The following VPS35L variants were observed in gnomAD, a reference collection of about 807,000 sequenced individuals.
The protein encoded by VPS35L is VPS35 endosomal protein sorting factor like.
Under a neutral mutation model 133.0 loss-of-function variants are expected in VPS35L, and 83 were observed. The ratio of observed to expected loss-of-function variants is 0.62; its 90% CI spans 0.52 to 0.75. The LOEUF (loss-of-function observed/expected upper bound fraction) is 0.75, where lower values mean the gene tolerates loss of function less well. VPS35L is among the 30% of genes least tolerant of loss of function. The pLI is 0.00. For missense variants in VPS35L, 1,083 were observed against 1,206.8 expected, an observed-to-expected ratio of 0.90 and a Z score of 1.52; for synonymous variants, 423 against 449.9, an observed-to-expected ratio of 0.94 and a Z score of 0.76.
Position 19,652,312 on chromosome 16 carries a change from C to T in VPS35L, c.2221+222C>T, listed in dbSNP as rs950983657. The T allele has an allele frequency of 6.3e-6, 3 of 475,058 alleles. No homozygotes were observed. The South Asian group carries it at 7.7e-5, about 12-fold the overall frequency. 29.4% of individuals were successfully genotyped at this position (475,058 alleles called of 1,614,324 possible). On this transcript the variant is annotated intron_variant, in intron 26 of 30. Coordinates refer to ENST00000417362, the MANE Select transcript of VPS35L (RefSeq NM_020314.7). ...CTGAGTAGCTGGGACTGCAGGCGCA[C>T]ACCACCACACACAGCTAATGTTTTT...
At chr16:19,682,482 C>T in intron 28 of VPS35L, 92 bp downstream of exon 28, 1 of 1,386,316 alleles carries the variant, frequency 7.2e-7, no homozygotes, top group Non-Finnish European at 9.8e-7. Context: ...TTTTTCCTCC[C>T]TTGTATTTTA....
intron 27 of VPS35L, among the ~76,000 whole-genome samples, chr16:19,679,898 G>A (rs1975207801): frequency 6.6e-6 from 1 of 152,178 alleles, no homozygotes. Context: ...AAGTATGACT[G>A]CAATATGTAC....
chr16:19,657,796 T>C (rs1425234163), intron 26 of VPS35L, among the ~76,000 whole-genome samples: 1 of 152,198 alleles, frequency 6.6e-6, no homozygotes, highest in African/African-American at 2.4e-5. Context: ...GAAAAATAGT[T>C]TTCACACATT....
intron 9 of VPS35L, among the ~76,000 whole-genome samples, chr16:19,602,904 CT>C (rs1226430038): frequency 2.7e-3 from 383 of 143,330 alleles, no homozygotes; most frequent in African/African-American, 7.6e-3. Flanking sequence ...GTGCCCGTCC[CT>C]TTTTTTTTTT....
At chr16:19,590,893 TGC>T (rs1972022665) in intron 7 of VPS35L, among the ~76,000 whole-genome samples, 2 of 152,096 alleles carry the variant, frequency 1.3e-5, no homozygotes, top group Non-Finnish European at 2.9e-5. Flanking sequence ...AGTTCATTGC[TGC>T]AGTAAGCTAT....
At chr16:19,581,731 GC>G (rs1567398694) in intron 7 of VPS35L, 78 bp downstream of exon 7, 1 of 1,538,048 alleles carries the variant, frequency 6.5e-7, no homozygotes, top group Non-Finnish European at 8.9e-7. Flanking sequence ...GTTTTCAGGG[GC>G]CTACCTGCAG....
chr16:19,686,247 C>T (rs777940813), intron 28 of VPS35L, among the ~76,000 whole-genome samples: 3 of 152,106 alleles, frequency 2.0e-5, no homozygotes, highest in Non-Finnish European at 4.4e-5. Context: ...ACGATGTTGA[C>T]ACAGCTTAGA....
chr16:19,565,016 G>T, intron 2 of VPS35L, 66 bp downstream of exon 2: 1 of 1,297,674 alleles, frequency 7.7e-7, no homozygotes. Flanking sequence ...CAATCTTCCT[G>T]AGTCTTTTCC....
chr16:19,674,724 C>A (rs952199363), intron 27 of VPS35L, among the ~76,000 whole-genome samples: 1 of 151,992 alleles, frequency 6.6e-6, no homozygotes, highest in African/African-American at 2.4e-5. Flanking sequence ...CATTCCCCTA[C>A]CCCCACCCCC....
chr16:19,676,464 A>G (rs752082480), intron 27 of VPS35L, among the ~76,000 whole-genome samples: 2 of 152,200 alleles, frequency 1.3e-5, no homozygotes, highest in Non-Finnish European at 1.5e-5. Context: ...TTGTGGAATA[A>G]TCTTCCCTAT....
intron 18 of VPS35L, among the ~76,000 whole-genome samples, chr16:19,630,808 C>T (rs1358370559): frequency 6.6e-6 from 1 of 151,860 alleles, no homozygotes; most frequent in Non-Finnish European, 1.5e-5. Flanking sequence ...AGAAGCCCAC[C>T]AGCCTGGCCA....
chr16:19,632,366 G>C (rs1276115213), intron 18 of VPS35L, among the ~76,000 whole-genome samples: 1 of 152,034 alleles, frequency 6.6e-6, no homozygotes, highest in Non-Finnish European at 1.5e-5. Flanking sequence ...TGAAAATAAG[G>C]CTTCTCCATT....
chr16:19,639,774 C>A lies in VPS35L; in HGVS notation c.1699-241C>A, dbSNP rs1284734583. ...GAACTCCTGGCCTCAAGTGATCCACCCGCCTCAGCCTCCCAAAGTGCTGGG... is the reference window on the plus strand; with the variant it reads ...GAACTCCTGGCCTCAAGTGATCCACACGCCTCAGCCTCCCAAAGTGCTGGG... On this transcript the variant is annotated intron_variant, in intron 20 of 30. Transcript: ENST00000417362. The surrounding 1 kb of genome is among the most constrained non-coding windows in gnomAD (Gnocchi z 4.1). 6.6e-6 allele frequency among the ~76,000 whole-genome samples: 1 copy of A among 152,156 alleles called. No individual in the cohort carries two copies. The highest frequency in any genetic ancestry group is 2.4e-5 in the African/African-American group (1 of 41,458).
At chr16:19,659,353 G>A (rs959172986) in intron 26 of VPS35L, among the ~76,000 whole-genome samples, 3 of 152,170 alleles carry the variant, frequency 2.0e-5, no homozygotes, top group Non-Finnish European at 2.9e-5. Flanking sequence ...TAGAGGGAGG[G>A]AGAGAGTGCA....
Position 19,639,943 on chromosome 16 carries a change from A to G in VPS35L, c.1699-72A>G, listed in dbSNP as rs1298597397. On this transcript the variant is annotated intron_variant, in intron 20 of 30. Transcript: ENST00000417362. The surrounding 1 kb of genome is among the most constrained non-coding windows in gnomAD (Gnocchi z 4.1). ...TTCTGCTTCTTTGAACTCCACAGAA[A>G]AAGAGACCCACAGATTCCTTCCTTC... 6 of 1,345,348 alleles carry G rather than the reference A, an allele frequency of 4.5e-6. No individual in the cohort carries two copies. The African/African-American group carries it at 8.7e-5, about 19-fold the overall frequency. The allele number at this position is 1,345,348 out of a possible 1,614,324, so 83.3% of individuals were successfully genotyped here.
intron 8 of VPS35L, 54 bp downstream of exon 8, chr16:19,591,928 G>A: frequency 7.4e-7 from 1 of 1,356,608 alleles, no homozygotes; most frequent in South Asian, 1.2e-5. Flanking sequence ...GTTTTGTCAA[G>A]AATTGGGTGG....
At chr16:19,643,575 C>T (rs1309841846) in intron 22 of VPS35L, among the ~76,000 whole-genome samples, 1 of 152,100 alleles carries the variant, frequency 6.6e-6, no homozygotes, top group Non-Finnish European at 1.5e-5. Flanking sequence ...TGGGAAGGCT[C>T]ACACATCATA....
chr16:19,698,521 C>T (rs923220549), intron 29 of VPS35L, among the ~76,000 whole-genome samples: 2 of 152,262 alleles, frequency 1.3e-5, no homozygotes, highest in South Asian at 2.1e-4. Context: ...GTTTGAATAA[C>T]GGGAAGGAAT....
intron 12 of VPS35L, among the ~76,000 whole-genome samples, chr16:19,612,689 C>A (rs8049383): frequency 0.6 from 91,106 of 152,166 alleles, 30,040 homozygotes; most frequent in African/African-American, 0.87. Flanking sequence ...GCTGTCTCTT[C>A]TGCAAATAAT....
Sources: allele counts gnomAD v4.1 joint callset (sites outside exome capture counted in the v4.1 genomes callset), GRCh38; gene constraint gnomAD v4.1.1; non-coding constraint Gnocchi (gnomAD v3.1); transcripts MANE v1.5; gene names NCBI Gene and HGNC (gene_info 2026-07-23, HGNC 2026-07-21).